The following R3HDM2 variants were observed in gnomAD, a reference collection of about 807,000 sequenced individuals.
R3HDM2 encodes R3H domain-containing protein 2.
Under a neutral mutation model 124.5 loss-of-function variants are expected in R3HDM2, and 38 were observed. The ratio of observed to expected loss-of-function variants is 0.31; its 90% CI spans 0.24 to 0.40. R3HDM2 has a LOEUF of 0.40. Among genes scored for constraint, R3HDM2 ranks in the 10% least tolerant of loss-of-function variants. The probability of loss-of-function intolerance (pLI) is 1.00; values close to 1 mark genes in which losing one functional copy is unlikely to be tolerated. For missense variants in R3HDM2, 869 were observed against 1,236.9 expected (o/e 0.70, Z 4.46); for synonymous variants, 391 against 448.0 (o/e 0.87, Z 1.61).
chr12:57,273,635 G>A (rs1307292929), intron 14 of R3HDM2, among the ~76,000 whole-genome samples: 1 of 152,184 alleles, frequency 6.6e-6, no homozygotes, highest in Non-Finnish European at 1.5e-5. Context: ...TAATATGGCA[G>A]AGCTGAGGTT....
chr12:57,382,393 T>C (rs1459098697), intron 2 of R3HDM2, among the ~76,000 whole-genome samples: 3 of 151,594 alleles, frequency 2.0e-5, no homozygotes, highest in African/African-American at 7.3e-5. Flanking sequence ...ATTATAGGCA[T>C]GCACCAACAT....
In R3HDM2 at chr12:57,430,923, G is replaced by T. The variant is rs1438446337; in HGVS notation, c.-309C>A. ...AGGGGAAAGGGGCTTGGGAAGGAGG[G>T]GGGAGAGGGGAAGAAAAGGGGGGAA... On this transcript the variant is annotated 5_prime_UTR_variant, in exon 1 of 24. Transcript: ENST00000402412. 1 of 143,900 alleles carries T rather than the reference G, an allele frequency of 6.9e-6. No homozygotes were observed. The highest frequency in any genetic ancestry group is 1.5e-5 in the Non-Finnish European group (1 of 64,794). The allele number at this position is 143,900 out of a possible 1,614,324, so 8.9% of individuals were successfully genotyped here.
chr12:57,302,783 C>T (rs556120072), intron 4 of R3HDM2, among the ~76,000 whole-genome samples: 2 of 139,788 alleles, frequency 1.4e-5, no homozygotes, highest in African/African-American at 5.4e-5. Context: ...ATAAAGAAAA[C>T]TCACAAGGAA....
At chr12:57,418,558 T>C (rs1032000741) in intron 1 of R3HDM2, among the ~76,000 whole-genome samples, 1 of 151,946 alleles carries the variant, frequency 6.6e-6, no homozygotes, top group Admixed American at 6.6e-5. Context: ...CTGACTTTGA[T>C]ATCTTCTTTT....
chr12:57,338,901 ATGC>A (rs2059205180), intron 2 of R3HDM2, among the ~76,000 whole-genome samples: 1 of 152,068 alleles, frequency 6.6e-6, no homozygotes. Flanking sequence ...ATAATGGCTA[ATGC>A]TAAGTCTTTA....
At chr12:57,417,400 AGAG>A (rs2069743979) in intron 1 of R3HDM2, among the ~76,000 whole-genome samples, 1 of 148,592 alleles carries the variant, frequency 6.7e-6, no homozygotes, top group Non-Finnish European at 1.5e-5. Context: ...AAAAAAAAAA[AGAG>A]AGAGACTTCC....
chr12:57,387,791 T>C (rs763945368), intron 2 of R3HDM2, among the ~76,000 whole-genome samples: 88 of 152,196 alleles, frequency 5.8e-4, no homozygotes, highest in Non-Finnish European at 9.4e-4. Flanking sequence ...GGACAAAAAG[T>C]GTCCAATGGA....
chr12:57,307,180 C>T (rs374167471), intron 3 of R3HDM2, among the ~76,000 whole-genome samples: 5 of 152,182 alleles, frequency 3.3e-5, no homozygotes, highest in African/African-American at 1.2e-4. Context: ...ATGTAATGAA[C>T]GTCCCTTTTC....
Position 57,254,568 on chromosome 12 carries a change from GA to G in R3HDM2, c.*204del. 2 of 531,466 alleles carry G rather than the reference GA, an allele frequency of 3.8e-6. No individual in the cohort carries two copies. The highest frequency in any genetic ancestry group is 6.5e-6 in the Non-Finnish European group (2 of 307,530). 32.9% of individuals were successfully genotyped at this position (531,466 alleles called of 1,614,324 possible). ...AGTGATGCAAGGGGGGTCAACCAGG[GA>G]AAAAGAGAGGACCCATGGCAGGGGA... On this transcript the variant is annotated 3_prime_UTR_variant, in exon 24 of 24. Coordinates refer to ENST00000402412, the MANE Select transcript of R3HDM2 (RefSeq NM_001394031.1).
chr12:57,267,625 TCAAAA>T (rs1338174720), intron 18 of R3HDM2, among the ~76,000 whole-genome samples: 5 of 151,916 alleles, frequency 3.3e-5, no homozygotes, highest in African/African-American at 1.2e-4. Flanking sequence ...GCCACAAAAC[TCAAAA>T]CAACCTGGAG....
chr12:57,393,265 G>A (rs961478024), intron 2 of R3HDM2, among the ~76,000 whole-genome samples: 5 of 151,940 alleles, frequency 3.3e-5, no homozygotes, highest in South Asian at 2.1e-4. Flanking sequence ...CAATATGCCC[G>A]GCTAATTTTG....
At chr12:57,361,948 C>T (rs1001126354) in intron 2 of R3HDM2, among the ~76,000 whole-genome samples, 2 of 152,140 alleles carry the variant, frequency 1.3e-5, no homozygotes, top group African/African-American at 4.8e-5. Flanking sequence ...GCCTGGGCAA[C>T]ATGGCAAAAC....
In R3HDM2 at chr12:57,269,071, T is replaced by G; in HGVS notation, c.1726A>C (p.Met576Leu). The G allele has an allele frequency of 6.2e-7, 1 of 1,614,238 alleles. No individual in the cohort carries two copies. ...QPSQQPGLQP[M>L]MPNQQQAAYQ... ...GCCGCCTGCTGCTGGTTAGGCATCATGGGCTGTAAACCTAGAGATGGGCAA... is the reference window on the plus strand; with the variant it reads ...GCCGCCTGCTGCTGGTTAGGCATCAGGGGCTGTAAACCTAGAGATGGGCAA... Residue 576 changes from methionine (M) to leucine (L), a missense_variant, in exon 17 of 24, where the codon ATG becomes CTG. Physicochemically the swap from Met to Leu is conservative, Grantham distance 15. Transcript: ENST00000402412.
chr12:57,335,530 C>G (rs1292833445), intron 2 of R3HDM2, among the ~76,000 whole-genome samples: 1 of 133,496 alleles, frequency 7.5e-6, no homozygotes, highest in Non-Finnish European at 1.5e-5. Context: ...CAGCATCTTG[C>G]TATGTTGCCC....
intron 3 of R3HDM2, among the ~76,000 whole-genome samples, chr12:57,307,316 TG>T (rs747390756): frequency 0.19 from 27,974 of 150,950 alleles, 3,007 homozygotes; most frequent in Admixed American, 0.28. Flanking sequence ...GTTTTTTTGT[TG>T]TTGTTTTGTT....
At chr12:57,396,308 G>A (rs1746010215) in intron 1 of R3HDM2, among the ~76,000 whole-genome samples, 1 of 151,980 alleles carries the variant, frequency 6.6e-6, no homozygotes, top group Non-Finnish European at 1.5e-5. Context: ...AGGCACGGTG[G>A]CATGTGCCTG....
intron 1 of R3HDM2, among the ~76,000 whole-genome samples, chr12:57,421,128 C>G (rs1421028850): frequency 6.6e-6 from 1 of 151,240 alleles, no homozygotes; most frequent in Non-Finnish European, 1.5e-5. Flanking sequence ...CTTTGTCAAT[C>G]ACGCATGTAC....
intron 12 of R3HDM2, among the ~76,000 whole-genome samples, chr12:57,288,477 C>T (rs1474702297): frequency 2.0e-5 from 3 of 151,782 alleles, no homozygotes; most frequent in Non-Finnish European, 2.9e-5. Context: ...ATAATGTCTA[C>T]ACATCTTTTC....
chr12:57,258,400 A>G (rs1458685746), intron 20 of R3HDM2, among the ~76,000 whole-genome samples: 1 of 151,446 alleles, frequency 6.6e-6, no homozygotes, highest in East Asian at 1.9e-4. Flanking sequence ...GCTGGAGTGC[A>G]GTGGTGCAAT....
Sources: allele counts gnomAD v4.1 joint callset (sites outside exome capture counted in the v4.1 genomes callset), GRCh38; gene constraint gnomAD v4.1.1; transcripts MANE v1.5; gene names NCBI Gene and HGNC (gene_info 2026-07-23, HGNC 2026-07-21).